Variants in SFMBT2 observed in about 807,000 individuals in gnomAD.
SFMBT2 encodes Scm like with four mbt domains 2, also known as scm-like with four MBT domains protein 2.
A neutral mutation model predicts 110.1 loss-of-function variants in SFMBT2; 38 were observed. The ratio of observed to expected loss-of-function variants is 0.35; its 90% CI spans 0.27 to 0.45. The LOEUF is 0.45. Among genes scored for constraint, SFMBT2 ranks in the 20% least tolerant of loss-of-function variants. The pLI is 1.00. For missense variants in SFMBT2, 1,011 were observed against 1,094.9 expected, an observed-to-expected ratio of 0.92 and a Z score of 1.08; for synonymous variants, 425 against 425.4, an observed-to-expected ratio of 1.00 and a Z score of 0.01.
intron 4 of SFMBT2, among the ~76,000 whole-genome samples, chr10:7,308,416 C>A (rs1268749353): frequency 6.6e-6 from 1 of 151,744 alleles, no homozygotes; most frequent in Non-Finnish European, 1.5e-5. Context: ...ATGTTACATA[C>A]CTAATAAATA....
At chr10:7,191,942 A>T (rs1838613436) in intron 15 of SFMBT2, among the ~76,000 whole-genome samples, 1 of 152,148 alleles carries the variant, frequency 6.6e-6, no homozygotes, top group Admixed American at 6.5e-5. Context: ...ATCATTTGCT[A>T]TTGCTTTTCA....
intron 1 of SFMBT2, among the ~76,000 whole-genome samples, chr10:7,409,557 C>A (rs1846314994): frequency 1.3e-5 from 2 of 152,060 alleles, no homozygotes; most frequent in South Asian, 2.1e-4. Context: ...ACGACAGTTG[C>A]GTTTCGGTGC....
intron 11 of SFMBT2, among the ~76,000 whole-genome samples, chr10:7,213,387 A>G (rs1352478903): frequency 6.6e-6 from 1 of 152,092 alleles, no homozygotes; most frequent in Non-Finnish European, 1.5e-5. Flanking sequence ...TCACAGAGCC[A>G]GGGAGGAGGG....
chr10:7,396,514 A>G (rs909763360), intron 1 of SFMBT2, among the ~76,000 whole-genome samples: 2 of 152,214 alleles, frequency 1.3e-5, no homozygotes, highest in African/African-American at 4.8e-5. Flanking sequence ...AAATTTGGGT[A>G]GAAGAAAGAT....
chr10:7,257,672 C>A (rs1247705398), intron 7 of SFMBT2, among the ~76,000 whole-genome samples: 2 of 152,190 alleles, frequency 1.3e-5, no homozygotes, highest in East Asian at 3.8e-4. Context: ...TGACTCATCT[C>A]CACATTTACT....
At chr10:7,232,441 A>G (rs971244163) in intron 9 of SFMBT2, among the ~76,000 whole-genome samples, 4 of 152,210 alleles carry the variant, frequency 2.6e-5, no homozygotes, top group Non-Finnish European at 5.9e-5. Context: ...TGGAGGAAAA[A>G]AAATGAAATA....
chr10:7,194,866 C>T (rs866850030), intron 15 of SFMBT2, among the ~76,000 whole-genome samples: 10 of 152,216 alleles, frequency 6.6e-5, no homozygotes, highest in Middle Eastern at 3.2e-3. Flanking sequence ...GGGATAACCA[C>T]TTCTGACTTA....
chr10:7,368,953 G>A (rs1844990225), intron 3 of SFMBT2, among the ~76,000 whole-genome samples: 1 of 152,054 alleles, frequency 6.6e-6, no homozygotes, highest in Admixed American at 6.6e-5. Context: ...ACCTTTTCAG[G>A]GTCACAGAAA....
intron 4 of SFMBT2, among the ~76,000 whole-genome samples, chr10:7,318,858 G>GA (rs912689497): frequency 1.3e-4 from 20 of 152,222 alleles, no homozygotes; most frequent in Non-Finnish European, 1.9e-4. Flanking sequence ...AAATCCTCAT[G>GA]AAAAAAATGA....
intron 4 of SFMBT2, among the ~76,000 whole-genome samples, chr10:7,317,477 A>AC (rs1258122321): frequency 6.6e-6 from 1 of 151,978 alleles, no homozygotes; most frequent in East Asian, 1.9e-4. Context: ...CCCCATCTCT[A>AC]CTGAAAATAC....
At chr10:7,169,181 G>A (rs1227734609) in intron 20 of SFMBT2, among the ~76,000 whole-genome samples, 1 of 151,994 alleles carries the variant, frequency 6.6e-6, no homozygotes, top group African/African-American at 2.4e-5. Flanking sequence ...GGCCAGGCTG[G>A]TCTCGAACTC....
intron 4 of SFMBT2, among the ~76,000 whole-genome samples, chr10:7,291,206 G>A (rs1399234423): frequency 2.0e-5 from 3 of 152,182 alleles, no homozygotes; most frequent in African/African-American, 7.2e-5. Flanking sequence ...CTGAGAGATG[G>A]GGAGAGTAAT....
chr10:7,377,909 G>A lies in SFMBT2; in HGVS notation c.100+3890C>T, dbSNP rs901878533. On this transcript the variant is annotated intron_variant, in intron 2 of 20. Transcript: ENST00000397167. ...GGAGGTGGCACGGGAGGAAAGAGTA[G>A]GAAAGAACAACAAAGAATCTAAGTT... Among the ~76,000 whole-genome samples, 10 of 140,112 alleles carry A rather than the reference G, an allele frequency of 7.1e-5. No homozygotes were observed. The Admixed American group carries it at 7.5e-4, about 11-fold the overall frequency. The allele number at this position is 140,112 out of a possible 152,430, so 91.9% of individuals were successfully genotyped here.
intron 1 of SFMBT2, among the ~76,000 whole-genome samples, chr10:7,390,212 T>C (rs1588504774): frequency 1.3e-5 from 2 of 152,122 alleles, no homozygotes; most frequent in African/African-American, 4.8e-5. Context: ...TAGGCACATG[T>C]GGGTAGAAGG....
intron 6 of SFMBT2, among the ~76,000 whole-genome samples, chr10:7,281,087 G>C (rs749809129): frequency 6.6e-6 from 1 of 151,996 alleles, no homozygotes; most frequent in Non-Finnish European, 1.5e-5. Context: ...CAAAATAAGA[G>C]ATTAAAAAAT....
At chr10:7,220,754 G>C (rs1460215529) in intron 10 of SFMBT2, among the ~76,000 whole-genome samples, 1 of 152,036 alleles carries the variant, frequency 6.6e-6, no homozygotes, top group African/African-American at 2.4e-5. Context: ...CATAGTAGGT[G>C]CCTAATACTA....
In SFMBT2 at chr10:7,372,149, C is replaced by T. The variant is rs1435825349; in HGVS notation, c.101-1774G>A. Among the ~76,000 whole-genome samples the T allele has an allele frequency of 2.6e-5, 4 of 152,040 alleles. No homozygotes were observed. In the East Asian group the frequency reaches 7.7e-4, roughly 29 times the overall value. ...GGCAGACTGGTCTCGAATTCCCGACCTCAGGTGACCCTCCCTCCTCAGCCT... is the reference window on the plus strand; with the variant it reads ...GGCAGACTGGTCTCGAATTCCCGACTTCAGGTGACCCTCCCTCCTCAGCCT... On this transcript the variant is annotated intron_variant, in intron 2 of 20. Coordinates refer to ENST00000397167, the MANE Select transcript of SFMBT2 (RefSeq NM_001387889.1).
chr10:7,350,216 TC>T (rs1172995445), intron 4 of SFMBT2, among the ~76,000 whole-genome samples: 1 of 151,830 alleles, frequency 6.6e-6, no homozygotes, highest in African/African-American at 2.4e-5. Flanking sequence ...ATGGGGTCCA[TC>T]CCGCTGATGG....
chr10:7,322,974 G>A (rs1362917907), intron 4 of SFMBT2, among the ~76,000 whole-genome samples: 1 of 152,182 alleles, frequency 6.6e-6, no homozygotes, highest in Non-Finnish European at 1.5e-5. Context: ...TCATAGCTCT[G>A]TTTGTTAACA....
Sources: gnomAD v4.1 joint callset for allele counts (sites outside exome capture counted in the v4.1 genomes callset) on GRCh38, gnomAD v4.1.1 for gene constraint, MANE v1.5 for transcripts, NCBI Gene and HGNC (gene_info 2026-07-23, HGNC 2026-07-21) for gene names.